Variants in KITLG observed in about 807,000 individuals in gnomAD.
KITLG encodes the protein KIT ligand.
Under a neutral mutation model 34.1 loss-of-function variants are expected in KITLG, and 13 were observed. The ratio of observed to expected loss-of-function variants is 0.38; its 90% CI spans 0.25 to 0.61. The LOEUF (loss-of-function observed/expected upper bound fraction) is 0.61. Among genes scored for constraint, KITLG ranks in the 20% least tolerant of loss-of-function variants. The pLI, the probability that KITLG is intolerant of heterozygous loss-of-function variation, is 0.60. For synonymous variants in KITLG, 110 were observed against 104.0 expected (o/e 1.06, Z -0.35); for missense variants, 292 against 318.9 (o/e 0.92, Z 0.64).
intron 3 of KITLG, 47 bp from the exon 4 acceptor site, chr12:88,518,914 G>A (rs775272794): frequency 1.3e-6 from 2 of 1,553,342 alleles, no homozygotes; most frequent in South Asian, 2.3e-5. Context: ...TAATAAGTAA[G>A]TGCCATAAAA....
chr12:88,575,513 C>A (rs1308520469), intron 1 of KITLG, among the ~76,000 whole-genome samples: 2 of 152,016 alleles, frequency 1.3e-5, no homozygotes, highest in African/African-American at 4.8e-5. Flanking sequence ...TTTAGTATAC[C>A]CATAATTAAG....
chr12:88,521,377 T>C (rs1482888548), intron 3 of KITLG, among the ~76,000 whole-genome samples: 1 of 152,094 alleles, frequency 6.6e-6, no homozygotes, highest in Non-Finnish European at 1.5e-5. Context: ...AGTATTTCAT[T>C]TGTGAGGTGA....
chr12:88,505,966 A>G (rs1025088753), intron 8 of KITLG, among the ~76,000 whole-genome samples: 2 of 152,188 alleles, frequency 1.3e-5, no homozygotes, highest in Non-Finnish European at 2.9e-5. Context: ...ATGTTTTGAT[A>G]AAAGTGTGGA....
intron 1 of KITLG, among the ~76,000 whole-genome samples, chr12:88,575,183 G>A (rs1278677623): frequency 6.6e-6 from 1 of 152,168 alleles, no homozygotes; most frequent in African/African-American, 2.4e-5. Flanking sequence ...TCATTTTACA[G>A]TTGAGCAAAC....
intron 3 of KITLG, among the ~76,000 whole-genome samples, chr12:88,521,872 C>T (rs1869680082): frequency 6.6e-6 from 1 of 152,124 alleles, no homozygotes; most frequent in African/African-American, 2.4e-5. Context: ...GCTAGGACTA[C>T]TAAAAACATG....
At chr12:88,520,159 C>G (rs1313338855) in intron 3 of KITLG, among the ~76,000 whole-genome samples, 3 of 152,138 alleles carry the variant, frequency 2.0e-5, no homozygotes, top group Non-Finnish European at 2.9e-5. Context: ...GCCATTTCAA[C>G]TCGTCATAAC....
At chr12:88,541,838 A>G (rs1336798831) in intron 2 of KITLG, among the ~76,000 whole-genome samples, 1 of 152,214 alleles carries the variant, frequency 6.6e-6, no homozygotes, top group Non-Finnish European at 1.5e-5. Flanking sequence ...TTGACATTAA[A>G]GTCATAAATC....
intron 2 of KITLG, among the ~76,000 whole-genome samples, chr12:88,535,346 A>G (rs1172151395): frequency 6.6e-6 from 1 of 152,192 alleles, no homozygotes; most frequent in African/African-American, 2.4e-5. Flanking sequence ...GAAAAATAAT[A>G]CTGTTTTTGA....
intron 1 of KITLG, among the ~76,000 whole-genome samples, chr12:88,572,580 A>C (rs1158475513): frequency 7.9e-6 from 1 of 126,076 alleles, no homozygotes; most frequent in Non-Finnish European, 1.6e-5. Flanking sequence ...CATTATATAT[A>C]TATTATATAC....
At position 88,532,489 on chromosome 12, in the gene KITLG, T is replaced by C. The variant is rs1870134767; in HGVS notation, c.144A>G (p.Pro48=). 6 of 1,609,784 alleles carry C rather than the reference T, an allele frequency of 3.7e-6. No homozygotes were observed. Among genetic ancestry groups the C allele is most frequent in the Non-Finnish European group, 5.1e-6 (6 of 1,178,028 alleles). ...ATTTGAGGGTTATCATGTAGTCTTTTGGAAGATTTGCCACCTACAGAGACA... is the reference window on the plus strand; with the variant it reads ...ATTTGAGGGTTATCATGTAGTCTTTCGGAAGATTTGCCACCTACAGAGACA... ...KDVTKLVANL[P]KDYMITLKYV... The change falls in exon 3 of 10, where the codon CCA becomes CCG. Residue 48 remains proline (P), a synonymous_variant. Transcript: ENST00000644744.
chr12:88,545,796 A>C lies in KITLG; in HGVS notation c.85T>G (p.Cys29Gly). 6.2e-7 allele frequency: 1 copy of C among 1,611,890 alleles called. No individual in the cohort carries two copies. Among genetic ancestry groups the C allele is most frequent in the South Asian group, 1.1e-5 (1 of 91,010 alleles). ...ACATTATTAGTCACACGATTCCTGCAGATCCCTTCAGTTTTGACGAGAGGA... is the reference window on the plus strand; with the variant it reads ...ACATTATTAGTCACACGATTCCTGCCGATCCCTTCAGTTTTGACGAGAGGA... The part of the protein sequence containing the change: ...FNPLVKTEGI[C>G]RNRVTNNVKD... Residue 29 changes from cysteine to glycine, a missense_variant, in exon 2 of 10, where the codon TGC (cysteine) becomes GGC (glycine). This residue lies in a region of KITLG where 152 missense variants were observed against 207.9 expected (regional missense o/e 0.73). Coordinates refer to ENST00000644744, the MANE Select transcript of KITLG (RefSeq NM_000899.5).
chr12:88,497,599 T>C (rs1252926827), intron 9 of KITLG, among the ~76,000 whole-genome samples: 1 of 152,218 alleles, frequency 6.6e-6, no homozygotes, highest in Non-Finnish European at 1.5e-5. Flanking sequence ...ATAATATAAT[T>C]ATCAACTTAG....
chr12:88,565,034 A>G (rs1046896244), intron 1 of KITLG, among the ~76,000 whole-genome samples: 2 of 152,192 alleles, frequency 1.3e-5, no homozygotes, highest in South Asian at 4.1e-4. Flanking sequence ...GTATTGAGAC[A>G]TTATTTTTGC....
chr12:88,539,392 G>A (rs1379975534), intron 2 of KITLG, among the ~76,000 whole-genome samples: 3 of 152,020 alleles, frequency 2.0e-5, no homozygotes, highest in Non-Finnish European at 2.9e-5. Flanking sequence ...TAATAATCAT[G>A]GCTGTAGAGG....
At chr12:88,555,328 T>C (rs1403325279) in intron 1 of KITLG, among the ~76,000 whole-genome samples, 2 of 152,104 alleles carry the variant, frequency 1.3e-5, no homozygotes, top group African/African-American at 4.8e-5. Flanking sequence ...TTTCCTGTAA[T>C]CCTCCCATCA....
chr12:88,510,450 T>G (rs968856360), intron 6 of KITLG, among the ~76,000 whole-genome samples: 1 of 152,184 alleles, frequency 6.6e-6, no homozygotes, highest in Non-Finnish European at 1.5e-5. Flanking sequence ...AAGGAGGTAT[T>G]ATGATCTTCC....
chr12:88,580,307 A>G lies in KITLG; in HGVS notation c.-29T>C, dbSNP rs1294628567. 11 of 1,610,846 alleles carry G rather than the reference A, an allele frequency of 6.8e-6. No individual in the cohort carries two copies. The highest frequency in any genetic ancestry group is 9.3e-6 in the Non-Finnish European group (11 of 1,178,548). The stretch of plus-strand genomic sequence containing the variant: ...GAAAGGCAGCGCTGCGATCCAGCAC[A>G]AACAGTGGTGTGGCGACTCCGTTTA... On this transcript the variant is annotated 5_prime_UTR_variant, in exon 1 of 10. Transcript: ENST00000644744.
At chr12:88,506,216 G>C (rs1869052635) in intron 8 of KITLG, 95 bp downstream of exon 8, 1 of 854,544 alleles carries the variant, frequency 1.2e-6, no homozygotes, top group Non-Finnish European at 2.0e-6. Context: ...ACTGTCATGA[G>C]TGAAGGACTT....
intron 1 of KITLG, among the ~76,000 whole-genome samples, chr12:88,553,990 A>G (rs1462984414): frequency 1.3e-5 from 2 of 152,220 alleles, no homozygotes; most frequent in Non-Finnish European, 2.9e-5. Context: ...GTTGAGAACA[A>G]ACATCAGCAG....
Sources: gnomAD v4.1 joint callset for allele counts (sites outside exome capture counted in the v4.1 genomes callset) on GRCh38, gnomAD v4.1.1 for gene constraint, gnomAD v4.1.1 regional missense constraint, MANE v1.5 for transcripts, NCBI Gene and HGNC (gene_info 2026-07-23, HGNC 2026-07-21) for gene names.